Variants in CUBN observed in about 807,000 individuals in gnomAD.
CUBN encodes the protein cubilin, also known as 460 kDa receptor.
In CUBN, 282 loss-of-function variants were observed where a neutral mutation model predicts 405.3. The ratio of observed to expected loss-of-function variants is 0.70; its 90% confidence interval spans 0.63 to 0.77. CUBN has a LOEUF of 0.77. CUBN is among the 30% of genes least tolerant of loss of function. The pLI, the probability that CUBN is intolerant of heterozygous loss-of-function variation, is 0.00. For missense variants in CUBN, 4,514 were observed against 4,475.2 expected, an observed-to-expected ratio of 1.01 and a Z score of -0.25; for synonymous variants, 1,684 against 1,617.0, an observed-to-expected ratio of 1.04 and a Z score of -0.99.
chr10:16,932,947 G>A, intron 40 of CUBN, 140 bp downstream of exon 40: 3 of 813,750 alleles, frequency 3.7e-6, no homozygotes. Flanking sequence ...AGCCATTTCT[G>A]GTACTGATGC....
Position 17,088,153 on chromosome 10 carries a change from T to C in CUBN, c.1947+11A>G. The C allele has an allele frequency of 6.2e-7, 1 of 1,601,234 alleles. No individual in the cohort carries two copies. Among genetic ancestry groups the C allele is most frequent in the African/African-American group, 1.3e-5 (1 of 74,752 alleles). On this transcript the variant is annotated intron_variant, in intron 15 of 66. Coordinates refer to ENST00000377833, the MANE Select transcript of CUBN (RefSeq NM_001081.4). Reference sequence around the variant, plus strand: ...TATTGTGATATGTTCTATCTAAATATAATTATTTACCTCAAGGTAATCTTT... The same window carrying C: ...TATTGTGATATGTTCTATCTAAATACAATTATTTACCTCAAGGTAATCTTT...
At chr10:17,090,928 AG>A (rs1836244045) in intron 14 of CUBN, among the ~76,000 whole-genome samples, 2 of 152,044 alleles carry the variant, frequency 1.3e-5, no homozygotes, top group African/African-American at 4.8e-5. Context: ...ACAACAAAAA[AG>A]TTTTTTCTAA....
At chr10:16,877,190 T>C (rs1695787527) in intron 56 of CUBN, 93 bp from the exon 57 acceptor site, 5 of 1,025,192 alleles carry the variant, frequency 4.9e-6, no homozygotes, top group South Asian at 4.1e-5. Context: ...TGATGACTCA[T>C]GCAATTGCTA....
intron 27 of CUBN, among the ~76,000 whole-genome samples, chr10:17,031,734 G>A (rs1236116344): frequency 6.6e-6 from 1 of 152,158 alleles, no homozygotes; most frequent in Non-Finnish European, 1.5e-5. Context: ...AAAGCACAGT[G>A]CCTGGAGCTG....
intron 22 of CUBN, among the ~76,000 whole-genome samples, chr10:17,061,064 C>A (rs1263793960): frequency 4.0e-5 from 6 of 151,516 alleles, no homozygotes; most frequent in Admixed American, 1.3e-4. Flanking sequence ...AACAAACCAA[C>A]AAACAACAAA....
In CUBN at chr10:16,913,937, C is replaced by T. The variant is rs755551654; in HGVS notation, c.7407G>A (p.Pro2469=). Residue 2469 remains proline, a synonymous_variant, in exon 48 of 67, where the codon CCG becomes CCA. Transcript: ENST00000377833. ...AGATCCGGCCATGAGGATTTGGGTT[C>T]GGGTAGTTGGGAGAAGTAAATGTTC... is the stretch of plus-strand genomic sequence containing the variant. The part of the protein sequence containing the change: ...SIGTFTSPNY[P]NPNPHGRICE... 6.2e-6 allele frequency: 10 copies of T among 1,613,878 alleles called. No homozygotes were observed. The East Asian group carries it at 6.7e-5, about 11-fold the overall frequency.
At chr10:17,014,058 A>G (rs549453959) in intron 28 of CUBN, among the ~76,000 whole-genome samples, 2 of 152,306 alleles carry the variant, frequency 1.3e-5, no homozygotes, top group African/African-American at 2.4e-5. Context: ...AGCACCTGGT[A>G]TCTAAGTAGG....
At chr10:16,833,503 C>A (rs1427180921) in intron 64 of CUBN, among the ~76,000 whole-genome samples, 2 of 152,146 alleles carry the variant, frequency 1.3e-5, no homozygotes, top group African/African-American at 4.8e-5. Context: ...TGATAAAACT[C>A]CGCATCAGGA....
chr10:17,051,418 A>G (rs1295470266), intron 22 of CUBN, among the ~76,000 whole-genome samples: 1 of 152,142 alleles, frequency 6.6e-6, no homozygotes, highest in Non-Finnish European at 1.5e-5. Flanking sequence ...AAATGTCATC[A>G]GTAGTCAAGA....
At position 16,975,624 on chromosome 10, in the gene CUBN, CTT is replaced by C. The variant is rs199779818; in HGVS notation, c.4695+6858_4695+6859del. ...CATTCAAACTTCTCTTAAAGACCTT[CTT>C]TTTTTTTTTTTTTTTTTTTTTTTGA... On this transcript the variant is annotated intron_variant, in intron 31 of 66. Coordinates refer to ENST00000377833, the MANE Select transcript of CUBN (RefSeq NM_001081.4). 4.4e-3 allele frequency among the ~76,000 whole-genome samples: 550 copies of C among 123,966 alleles called. 1 individual carries two copies. Among genetic ancestry groups the C allele is most frequent in the African/African-American group, 0.016 (519 of 32,400 alleles). The allele number at this position is 123,966 out of a possible 152,430, so 81.3% of individuals were successfully genotyped here. A position where few individuals can be genotyped will look rare whatever the true frequency, so the allele number is the denominator to read the frequency against.
At chr10:16,862,374 G>C (rs1034210463) in intron 59 of CUBN, among the ~76,000 whole-genome samples, 1 of 151,964 alleles carries the variant, frequency 6.6e-6, no homozygotes, top group African/African-American at 2.4e-5. Flanking sequence ...TTGTAAAATG[G>C]GGTAATTCCT....
In CUBN at chr10:16,901,479, C is replaced by T. The variant is rs750201276; in HGVS notation, c.8063-20G>A. 7.4e-6 allele frequency: 12 copies of T among 1,613,824 alleles called. No individual in the cohort carries two copies. Among genetic ancestry groups the T allele is most frequent in the South Asian group, 1.1e-5 (1 of 91,072 alleles). ...CACAATCTGAAATGAGATTGGTAAC[C>T]CTCTCAATAAAACAGAAGTAAAAAA... On this transcript the variant is annotated intron_variant, in intron 51 of 66. Coordinates refer to ENST00000377833, the MANE Select transcript of CUBN (RefSeq NM_001081.4).
At chr10:17,054,063 T>C (rs963109767) in intron 22 of CUBN, among the ~76,000 whole-genome samples, 1 of 152,086 alleles carries the variant, frequency 6.6e-6, no homozygotes, top group African/African-American at 2.4e-5. Flanking sequence ...CTGGGCGCAG[T>C]GGCTCACTCC....
intron 29 of CUBN, 124 bp from the exon 30 acceptor site, chr10:16,984,403 C>A (rs1449576185): frequency 7.3e-6 from 7 of 954,982 alleles, no homozygotes; most frequent in Non-Finnish European, 9.8e-6. Context: ...AAATCTCAGC[C>A]TCCCTGGGTG....
chr10:17,065,198 G>A (rs1588620338), intron 22 of CUBN, among the ~76,000 whole-genome samples: 1 of 142,494 alleles, frequency 7.0e-6, no homozygotes, highest in South Asian at 2.1e-4. Context: ...CCAATTCAGA[G>A]TACTTTGGAG....
intron 39 of CUBN, among the ~76,000 whole-genome samples, chr10:16,936,428 T>A (rs755307586): frequency 6.6e-6 from 1 of 152,118 alleles, no homozygotes; most frequent in Admixed American, 6.6e-5. Context: ...ATTAGAGAGG[T>A]AGGAACAACA....
chr10:16,966,788 C>A (rs1455835136), intron 31 of CUBN, among the ~76,000 whole-genome samples: 1 of 152,200 alleles, frequency 6.6e-6, no homozygotes, highest in African/African-American at 2.4e-5. Flanking sequence ...TAACACAGGT[C>A]TCCTGCCCTG....
intron 48 of CUBN, among the ~76,000 whole-genome samples, chr10:16,908,618 GTCAT>G (rs1841625794): frequency 6.6e-6 from 1 of 152,046 alleles, no homozygotes; most frequent in Admixed American, 6.6e-5. Context: ...AATAGCTGTA[GTCAT>G]TCACATAGTT....
At chr10:16,893,218 CA>C (rs1841083831) in intron 54 of CUBN, among the ~76,000 whole-genome samples, 1 of 152,140 alleles carries the variant, frequency 6.6e-6, no homozygotes, top group Non-Finnish European at 1.5e-5. Flanking sequence ...CAAATGTTTA[CA>C]GACATAATTG....
Sources: allele counts gnomAD v4.1 joint callset (sites outside exome capture counted in the v4.1 genomes callset), GRCh38; gene constraint gnomAD v4.1.1; transcripts MANE v1.5; gene names NCBI Gene and HGNC (gene_info 2026-07-23, HGNC 2026-07-21).